MLIP: variants seen among roughly 807,000 people sequenced by gnomAD.
MLIP encodes muscular LMNA interacting protein, also known as muscular LMNA-interacting protein.
Under a neutral mutation model 84.8 loss-of-function variants are expected in MLIP, and 79 were observed. The observed-to-expected ratio is 0.93, with a 90% CI of 0.78 to 1.12. The LOEUF (loss-of-function observed/expected upper bound fraction) is 1.12, where lower values mean the gene tolerates loss of function less well. MLIP is among the 50% of genes most tolerant of loss of function. The pLI is 0.00. For synonymous variants in MLIP, 504 were observed against 463.0 expected (o/e 1.09, Z -1.14); for missense variants, 1,257 against 1,160.6 (o/e 1.08, Z -1.21).
rs191629797 is a variant in MLIP at position 54,223,890 on chromosome 6, T to C, written c.2719-6824T>C. Among the ~76,000 whole-genome samples, 8 of 152,200 alleles carry C rather than the reference T, an allele frequency of 5.3e-5. No individual in the cohort carries two copies. The East Asian group carries it at 1.5e-3, about 29-fold the overall frequency. On this transcript the variant is annotated intron_variant, in intron 11 of 13. Coordinates refer to ENST00000502396, the MANE Select transcript of MLIP (RefSeq NM_001281747.2). ...ATGAAATCATTATTTTTCAAATTAT[T>C]GTCTATTAGAACTGATAAGATATAG...
chr6:54,097,464 A>G (rs886681420), intron 1 of MLIP, among the ~76,000 whole-genome samples: 3 of 152,340 alleles, frequency 2.0e-5, no homozygotes, highest in Admixed American at 2.0e-4. Context: ...CTAGGCAACA[A>G]CATACACAGC....
At chr6:54,255,984 T>G (rs759278816) in intron 12 of MLIP, among the ~76,000 whole-genome samples, 14 of 152,152 alleles carry the variant, frequency 9.2e-5, no homozygotes, top group Non-Finnish European at 1.5e-5. Flanking sequence ...AAGCCATACT[T>G]AGGATCTCAG....
intron 13 of MLIP, among the ~76,000 whole-genome samples, chr6:54,259,224 A>G (rs1783224169): frequency 6.6e-6 from 1 of 151,752 alleles, no homozygotes; most frequent in Non-Finnish European, 1.5e-5. Context: ...ACTTTTTGTC[A>G]AATGTGTTAG....
intron 1 of MLIP, chr6:54,045,595 A>C (rs979414439): frequency 6.6e-6 from 1 of 152,036 alleles, no homozygotes; most frequent in East Asian, 1.9e-4. Flanking sequence ...TTTAATCCCC[A>C]GTGTTGGAAG....
At chr6:54,048,744 T>A (rs910251405) in intron 1 of MLIP, among the ~76,000 whole-genome samples, 5 of 152,170 alleles carry the variant, frequency 3.3e-5, no homozygotes, top group Non-Finnish European at 5.9e-5. Context: ...GTTTGAAGTA[T>A]CTGTGGGTAG....
At chr6:54,202,315 TTG>T in intron 11 of MLIP, 82 bp downstream of exon 11, 1 of 739,030 alleles carries the variant, frequency 1.4e-6, no homozygotes. Flanking sequence ...TAAATATATT[TTG>T]ATAAATATAA....
intron 4 of MLIP, among the ~76,000 whole-genome samples, chr6:54,147,752 T>C (rs1431853472): frequency 6.6e-6 from 1 of 152,190 alleles, no homozygotes; most frequent in East Asian, 1.9e-4. Flanking sequence ...TATTCATGTG[T>C]ATGAATCAGA....
intron 11 of MLIP, chr6:54,215,498 C>A: frequency 1.3e-6 from 1 of 742,030 alleles, no homozygotes; most frequent in Non-Finnish European, 1.8e-6. Flanking sequence ...AAAAATTATA[C>A]CTATTTAAGG....
Position 54,152,705 on chromosome 6 carries a change from T to C in MLIP, c.2289+3578T>C, listed in dbSNP as rs370261394. ...TCTTGTGATATATCTTGATGTGTAC[T>C]GTCTTTTTTAGAGAAAGTTAAAGGT... On this transcript the variant is annotated intron_variant, in intron 5 of 13. Transcript: ENST00000502396. Among the ~76,000 whole-genome samples, 15 of 152,278 alleles carry C rather than the reference T, an allele frequency of 9.9e-5. 1 individual carries two copies. In the East Asian group the frequency reaches 2.7e-3, roughly 27 times the overall value.
At chr6:54,033,107 A>G (rs1764231615) in intron 1 of MLIP, among the ~76,000 whole-genome samples, 1 of 152,210 alleles carries the variant, frequency 6.6e-6, no homozygotes, top group Non-Finnish European at 1.5e-5. Context: ...GTTGATTGAT[A>G]GTTTAAGATA....
chr6:54,027,733 T>C (rs1283652568), intron 1 of MLIP, among the ~76,000 whole-genome samples: 2 of 152,208 alleles, frequency 1.3e-5, no homozygotes, highest in African/African-American at 4.8e-5. Context: ...ATTTCTACTT[T>C]ATGGTTCAAA....
rs138006906 is a variant in MLIP at position 54,129,626 on chromosome 6, T to G, written c.645+4761T>G. ...CTTCTGACCCGAGAGATTTAGAGGT[T>G]GAAAACCTTGAAAGAAGCTGGGAGG... On this transcript the variant is annotated intron_variant, in intron 3 of 13. Transcript: ENST00000502396. Among the ~76,000 whole-genome samples the G allele has an allele frequency of 1.7e-3, 262 of 152,302 alleles. 1 individual carries two copies. Among genetic ancestry groups the G allele is most frequent in the Middle Eastern group, 6.8e-3 (2 of 294 alleles).
chr6:54,150,043 G>A (rs1367006132), intron 5 of MLIP, among the ~76,000 whole-genome samples: 3 of 151,940 alleles, frequency 2.0e-5, no homozygotes, highest in East Asian at 1.9e-4. Context: ...TTATCAAAAC[G>A]TTGTTTGCCA....
intron 1 of MLIP, among the ~76,000 whole-genome samples, chr6:54,119,616 A>G (rs1296174758): frequency 6.6e-6 from 1 of 152,170 alleles, no homozygotes; most frequent in Admixed American, 6.5e-5. Flanking sequence ...AGTTCACAAG[A>G]TCTATTGTAC....
At chr6:54,249,016 T>C (rs1782275585) in intron 12 of MLIP, among the ~76,000 whole-genome samples, 1 of 152,124 alleles carries the variant, frequency 6.6e-6, no homozygotes, top group South Asian at 2.1e-4. Flanking sequence ...TAAGAACCGA[T>C]ATTAAGGATT....
chr6:54,193,830 C>G (rs1219875282), intron 10 of MLIP, among the ~76,000 whole-genome samples: 1 of 152,108 alleles, frequency 6.6e-6, no homozygotes, highest in Non-Finnish European at 1.5e-5. Flanking sequence ...GCTTTCCTAG[C>G]TGTTGAGCTG....
chr6:54,237,758 G>A (rs1185303982), intron 12 of MLIP, among the ~76,000 whole-genome samples: 2 of 152,038 alleles, frequency 1.3e-5, no homozygotes, highest in East Asian at 3.9e-4. Context: ...GCTGAGGTGG[G>A]AGGATTGTTT....
At chr6:54,062,974 G>A (rs1766051161) in intron 1 of MLIP, among the ~76,000 whole-genome samples, 2 of 152,040 alleles carry the variant, frequency 1.3e-5, no homozygotes, top group African/African-American at 4.8e-5. Flanking sequence ...AGGCCGAGGC[G>A]GGTGGATTAC....
chr6:54,175,587 A>T (rs1776203525), intron 9 of MLIP, among the ~76,000 whole-genome samples: 1 of 151,912 alleles, frequency 6.6e-6, no homozygotes, highest in Admixed American at 6.6e-5. Flanking sequence ...TGATTTTTGT[A>T]TGTTGATTTT....
Sources: gnomAD v4.1 joint callset for allele counts (sites outside exome capture counted in the v4.1 genomes callset) on GRCh38, gnomAD v4.1.1 for gene constraint, MANE v1.5 for transcripts, NCBI Gene and HGNC (gene_info 2026-07-23, HGNC 2026-07-21) for gene names.